The following TMC1 variants were observed in gnomAD, a reference collection of about 807,000 sequenced individuals.
The protein encoded by TMC1 is transmembrane channel-like protein 1.
Under a neutral mutation model 105.8 loss-of-function variants are expected in TMC1, and 84 were observed. The ratio of observed to expected loss-of-function variants is 0.79; its 90% CI spans 0.67 to 0.95. TMC1 has a LOEUF of 0.95. TMC1 is among the 40% of genes least tolerant of loss of function. TMC1 has a pLI of 0.00. For missense variants in TMC1, 817 were observed against 914.1 expected, an observed-to-expected ratio of 0.89 and a Z score of 1.37; for synonymous variants, 315 against 311.5, an observed-to-expected ratio of 1.01 and a Z score of -0.12.
chr9:72,753,967 C>T (rs1461654748), intron 11 of TMC1, among the ~76,000 whole-genome samples: 2 of 152,172 alleles, frequency 1.3e-5, no homozygotes, highest in Non-Finnish European at 2.9e-5. Context: ...AGCTTGTGCA[C>T]AGGGAGTGAG....
At position 72,792,007 on chromosome 9, in the gene TMC1, T is replaced by C. The variant is rs1228556649; in HGVS notation, c.1346T>C (p.Leu449Pro). 3 of 1,614,040 alleles carry C rather than the reference T, an allele frequency of 1.9e-6. No homozygotes were observed. In the African/African-American group the frequency reaches 4.0e-5, roughly 22 times the overall value. ...LKWLLGRIFA[L>P]LLGNLYVFIL... ...TGGCTACTGGGACGCATTTTTGCTC[T>C]TCTTTTAGGCAATTTATACGTATTT... is the stretch of plus-strand genomic sequence containing the variant. The change falls in exon 16 of 24, where the codon CTT becomes CCT. Residue 449 changes from leucine to proline, a missense_variant. Coordinates refer to ENST00000297784, the MANE Select transcript of TMC1 (RefSeq NM_138691.3).
At chr9:72,639,324 G>C (rs182120575) in intron 4 of TMC1, among the ~76,000 whole-genome samples, 1 of 152,180 alleles carries the variant, frequency 6.6e-6, no homozygotes, top group East Asian at 1.9e-4. Flanking sequence ...CTAACCATGG[G>C]CTTAAGAAAG....
intron 8 of TMC1, among the ~76,000 whole-genome samples, chr9:72,735,732 C>A (rs1386713193): frequency 2.0e-5 from 3 of 152,176 alleles, no homozygotes; most frequent in Admixed American, 2.0e-4. Context: ...GTCTCTGATA[C>A]CTTGCAGCCC....
At chr9:72,564,267 C>G (rs1251978106) in intron 1 of TMC1, among the ~76,000 whole-genome samples, 1 of 152,188 alleles carries the variant, frequency 6.6e-6, no homozygotes, top group Non-Finnish European at 1.5e-5. Flanking sequence ...CAATCTGGCT[C>G]TAATGATAAT....
intron 17 of TMC1, among the ~76,000 whole-genome samples, chr9:72,794,002 G>A (rs921943705): frequency 3.3e-5 from 5 of 152,018 alleles, no homozygotes; most frequent in Non-Finnish European, 5.9e-5. Context: ...GACCCTAAGC[G>A]CCTCATCCAT....
chr9:72,644,520 C>A (rs1825678113), intron 4 of TMC1, among the ~76,000 whole-genome samples: 1 of 151,990 alleles, frequency 6.6e-6, no homozygotes. Flanking sequence ...AGACTAATTT[C>A]TCCATTAAAT....
intron 8 of TMC1, among the ~76,000 whole-genome samples, chr9:72,736,166 G>A (rs1827294460): frequency 6.6e-6 from 1 of 152,106 alleles, no homozygotes; most frequent in Admixed American, 6.6e-5. Context: ...AATTGAAAGA[G>A]AAATATGAAA....
At chr9:72,724,254 A>G (rs1476410940) in intron 8 of TMC1, among the ~76,000 whole-genome samples, 1 of 152,216 alleles carries the variant, frequency 6.6e-6, no homozygotes. Context: ...GAAGTCCAAG[A>G]GGCATGACAC....
intron 4 of TMC1, among the ~76,000 whole-genome samples, chr9:72,629,985 C>T (rs951105881): frequency 6.6e-6 from 1 of 152,052 alleles, no homozygotes; most frequent in Non-Finnish European, 1.5e-5. Flanking sequence ...CCTGCCTCAG[C>T]CTCCTGAGTA....
At chr9:72,675,093 A>C (rs1472336768) in intron 5 of TMC1, among the ~76,000 whole-genome samples, 1 of 152,194 alleles carries the variant, frequency 6.6e-6, no homozygotes, top group Non-Finnish European at 1.5e-5. Context: ...TCTCATGCAC[A>C]CACACACATA....
At chr9:72,543,379 A>G (rs1823709375) in intron 1 of TMC1, among the ~76,000 whole-genome samples, 1 of 152,210 alleles carries the variant, frequency 6.6e-6, no homozygotes, top group East Asian at 1.9e-4. Context: ...CCAGAGCTAC[A>G]ACCACTTCCC....
chr9:72,825,902 G>A (rs979272512), intron 20 of TMC1, among the ~76,000 whole-genome samples: 7 of 151,910 alleles, frequency 4.6e-5, no homozygotes, highest in African/African-American at 1.7e-4. Flanking sequence ...CAAAATATAT[G>A]GAGTCACTAT....
chr9:72,606,085 G>A (rs1824906924), intron 2 of TMC1, among the ~76,000 whole-genome samples: 1 of 152,116 alleles, frequency 6.6e-6, no homozygotes, highest in Non-Finnish European at 1.5e-5. Context: ...GCACAATTTA[G>A]CCCATAGACA....
chr9:72,698,347 G>A (rs1463012096), intron 7 of TMC1, among the ~76,000 whole-genome samples: 1 of 152,150 alleles, frequency 6.6e-6, no homozygotes, highest in African/African-American at 2.4e-5. Flanking sequence ...ACTATAAATT[G>A]GTGGCAAATA....
At chr9:72,794,417 C>G (rs111791198) in intron 17 of TMC1, among the ~76,000 whole-genome samples, 1 of 152,192 alleles carries the variant, frequency 6.6e-6, no homozygotes, top group Non-Finnish European at 1.5e-5. Flanking sequence ...TGCGGCAACA[C>G]AGGGGAGCCT....
chr9:72,728,263 T>C (rs1827154782), intron 8 of TMC1, among the ~76,000 whole-genome samples: 1 of 152,060 alleles, frequency 6.6e-6, no homozygotes, highest in African/African-American at 2.4e-5. Flanking sequence ...GGATGGCAAA[T>C]GATGGGAAAG....
At chr9:72,679,274 T>C (rs1317270965) in intron 5 of TMC1, among the ~76,000 whole-genome samples, 3 of 152,068 alleles carry the variant, frequency 2.0e-5, no homozygotes, top group Non-Finnish European at 4.4e-5. Flanking sequence ...TAATTTTCTG[T>C]TTTCTCTTTC....
intron 3 of TMC1, among the ~76,000 whole-genome samples, chr9:72,623,235 A>G (rs1425967213): frequency 2.1e-5 from 3 of 145,188 alleles, no homozygotes; most frequent in African/African-American, 5.2e-5. Context: ...AGATACCAAG[A>G]TGTCTTCAGA....
At chr9:72,543,259 T>A (rs766364153) in intron 1 of TMC1, among the ~76,000 whole-genome samples, 1 of 152,156 alleles carries the variant, frequency 6.6e-6, no homozygotes, top group Non-Finnish European at 1.5e-5. Context: ...ACTTCTTCCA[T>A]CTACCCCATG....
Sources: gnomAD v4.1 joint callset for allele counts (sites outside exome capture counted in the v4.1 genomes callset) on GRCh38, gnomAD v4.1.1 for gene constraint, MANE v1.5 for transcripts, NCBI Gene and HGNC (gene_info 2026-07-23, HGNC 2026-07-21) for gene names.